The following CCDC148 variants were observed in gnomAD, a reference collection of about 807,000 sequenced individuals.
CCDC148 encodes the protein coiled-coil domain containing 148.
In CCDC148, 89 loss-of-function variants were observed where a neutral mutation model predicts 85.7. The ratio of observed to expected loss-of-function variants is 1.04; its 90% CI spans 0.87 to 1.24. The LOEUF (loss-of-function observed/expected upper bound fraction) is 1.24, where lower values mean the gene tolerates loss of function less well. Ranked by LOEUF, CCDC148 falls within the 50% of genes most tolerant of loss-of-function variation. The pLI, the probability that CCDC148 is intolerant of heterozygous loss-of-function variation, is 0.00. For synonymous variants in CCDC148, 230 were observed against 213.9 expected, an observed-to-expected ratio of 1.08 and a Z score of -0.66; for missense variants, 692 against 671.7, an observed-to-expected ratio of 1.03 and a Z score of -0.33.
chr2:158,217,697 C>T (rs957282702), intron 11 of CCDC148, among the ~76,000 whole-genome samples: 3 of 151,654 alleles, frequency 2.0e-5, no homozygotes, highest in African/African-American at 7.3e-5. Context: ...AGCCACCGCA[C>T]CCGGTCGAAT....
At chr2:158,312,811 G>T (rs989357320) in intron 8 of CCDC148, among the ~76,000 whole-genome samples, 6 of 152,110 alleles carry the variant, frequency 3.9e-5, no homozygotes, top group Non-Finnish European at 8.8e-5. Context: ...TAAAGGGGGA[G>T]AGGTGAAGAG....
intron 10 of CCDC148, among the ~76,000 whole-genome samples, chr2:158,231,104 A>G (rs1289997582): frequency 6.6e-6 from 1 of 152,098 alleles, no homozygotes; most frequent in Non-Finnish European, 1.5e-5. Context: ...TTAGGGGAGA[A>G]CTCAGTGCTG....
intron 9 of CCDC148, among the ~76,000 whole-genome samples, chr2:158,254,985 C>CAA (rs58809618): frequency 4.6e-5 from 6 of 131,128 alleles, no homozygotes; most frequent in African/African-American, 5.5e-5. Context: ...TTCTTTTCTC[C>CAA]AAAAAAAAAA....
rs775695541 is a variant in CCDC148, at chr2:158,179,284, G to C, written c.1371-288C>G. On this transcript the variant is annotated intron_variant, in intron 11 of 13. Transcript: ENST00000283233. Reference sequence around the variant, plus strand: ...AGCAATTCTCCTGTCTCAGCCTCCCGAGTAGCTGGGATTACAGGTACCCGC... The same window carrying C: ...AGCAATTCTCCTGTCTCAGCCTCCCCAGTAGCTGGGATTACAGGTACCCGC... 4.3e-5 allele frequency among the ~76,000 whole-genome samples: 6 copies of C among 141,104 alleles called. No individual in the cohort carries two copies. In the East Asian group the frequency reaches 1.1e-3, roughly 25 times the overall value. The allele number at this position is 141,104 out of a possible 152,430, so 92.6% of individuals were successfully genotyped here.
chr2:158,241,622 C>T lies in CCDC148; in HGVS notation c.1251+9150G>A, dbSNP rs968074557. On this transcript the variant is annotated intron_variant, in intron 10 of 13. Coordinates refer to ENST00000283233, the MANE Select transcript of CCDC148 (RefSeq NM_138803.4). ...GAATGAATGATCATTTTGTTTGGAC[C>T]CTTAATGCCCCCTTTGGAATTATAC... is the stretch of plus-strand genomic sequence containing the variant. 8.6e-5 allele frequency among the ~76,000 whole-genome samples: 13 copies of T among 151,952 alleles called. 2 individuals carry two copies. Among genetic ancestry groups the T allele is most frequent in the Admixed American group, 7.2e-4 (11 of 15,238 alleles).
chr2:158,255,027 A>T (rs932462088), intron 9 of CCDC148, among the ~76,000 whole-genome samples: 7 of 151,268 alleles, frequency 4.6e-5, no homozygotes, highest in African/African-American at 1.7e-4. Context: ...ATTTTTAAAC[A>T]GTGATGTACA....
rs182970697 is a variant in CCDC148 at position 158,308,398 on chromosome 2, T to C, written c.1110+1035A>G. 5.2e-5 allele frequency among the ~76,000 whole-genome samples: 8 copies of C among 152,386 alleles called. No individual in the cohort carries two copies. The South Asian group carries it at 1.0e-3, about 20-fold the overall frequency. ...CATGTATTAGCCCTGCAGCCCATGA[T>C]AGACCAGCTTGATGCAGCTTCTATT... On this transcript the variant is annotated intron_variant, in intron 9 of 13. Coordinates refer to ENST00000283233, the MANE Select transcript of CCDC148 (RefSeq NM_138803.4).
At chr2:158,354,390 G>C (rs1430590105) in intron 2 of CCDC148, among the ~76,000 whole-genome samples, 1 of 152,002 alleles carries the variant, frequency 6.6e-6, no homozygotes, top group African/African-American at 2.4e-5. Context: ...AAATGATAAA[G>C]GGGATCTCAC....
chr2:158,357,327 G>T (rs1683711351), intron 2 of CCDC148, among the ~76,000 whole-genome samples: 2 of 151,804 alleles, frequency 1.3e-5, no homozygotes, highest in African/African-American at 4.8e-5. Context: ...GCTGACTATT[G>T]TATCTTCAAG....
At chr2:158,356,576 A>G (rs1297380298) in intron 2 of CCDC148, among the ~76,000 whole-genome samples, 1 of 151,858 alleles carries the variant, frequency 6.6e-6, no homozygotes, top group Non-Finnish European at 1.5e-5. Context: ...AAAAGTCAGG[A>G]AACAACAGGT....
intron 10 of CCDC148, among the ~76,000 whole-genome samples, chr2:158,249,464 C>T (rs1688700966): frequency 6.6e-6 from 1 of 152,118 alleles, no homozygotes; most frequent in South Asian, 2.1e-4. Flanking sequence ...ATCATCAACT[C>T]TCTTGATAGG....
chr2:158,322,693 AG>A (rs1171860834), intron 7 of CCDC148, among the ~76,000 whole-genome samples: 3 of 152,094 alleles, frequency 2.0e-5, no homozygotes, highest in Non-Finnish European at 4.4e-5. Flanking sequence ...AGTAGAATAA[AG>A]CTACTAACAA....
intron 1 of CCDC148, chr2:158,419,938 A>C (rs1035376608): frequency 6.6e-5 from 10 of 152,154 alleles, no homozygotes; most frequent in African/African-American, 2.4e-4. Context: ...AACCATATTA[A>C]ATACAGAAAT....
At chr2:158,327,063 T>C (rs1355917539) in intron 7 of CCDC148, among the ~76,000 whole-genome samples, 4 of 152,148 alleles carry the variant, frequency 2.6e-5, no homozygotes, top group East Asian at 1.9e-4. Flanking sequence ...CTAGTTCCTA[T>C]TGATATTAAG....
In CCDC148 at chr2:158,351,586, G is replaced by A. The variant is rs576063027; in HGVS notation, c.148-6268C>T. On this transcript the variant is annotated intron_variant, in intron 2 of 13. Coordinates refer to ENST00000283233, the MANE Select transcript of CCDC148 (RefSeq NM_138803.4). Reference sequence around the variant, plus strand: ...GCTTGGAGGGTCCTATGCCCACGGAGTCTTGCTGATTGCTAGCACAGCAGT... The same window carrying A: ...GCTTGGAGGGTCCTATGCCCACGGAATCTTGCTGATTGCTAGCACAGCAGT... 9.0e-3 allele frequency among the ~76,000 whole-genome samples: 1,369 copies of A among 152,352 alleles called. 17 individuals are homozygous for A. Among genetic ancestry groups the A allele is most frequent in the African/African-American group, 0.031 (1,291 of 41,580 alleles).
At chr2:158,338,964 T>G in intron 6 of CCDC148, 26 bp downstream of exon 6, 5 of 1,602,832 alleles carry the variant, frequency 3.1e-6, no homozygotes, top group Non-Finnish European at 4.3e-6. Flanking sequence ...GATAAACACA[T>G]AAATTATTAG....
At chr2:158,201,012 ATTAGCCCTG>A (rs1041773829) in intron 11 of CCDC148, among the ~76,000 whole-genome samples, 1 of 152,174 alleles carries the variant, frequency 6.6e-6, no homozygotes, top group Admixed American at 6.6e-5. Flanking sequence ...TTGTTTCCCA[ATTAGCCCTG>A]TTCCTTCAGG....
At chr2:158,429,054 C>T (rs1303191900) in intron 1 of CCDC148, among the ~76,000 whole-genome samples, 1 of 150,562 alleles carries the variant, frequency 6.6e-6, no homozygotes, top group Non-Finnish European at 1.5e-5. Context: ...CCAAACACAG[C>T]ATGTTCTCAC....
intron 10 of CCDC148, among the ~76,000 whole-genome samples, chr2:158,239,490 C>T (rs1190871204): frequency 6.6e-6 from 1 of 152,086 alleles, no homozygotes; most frequent in Non-Finnish European, 1.5e-5. Flanking sequence ...GTTACCACCA[C>T]AACTTTTCTG....
Sources: gnomAD v4.1 joint callset for allele counts (sites outside exome capture counted in the v4.1 genomes callset) on GRCh38, gnomAD v4.1.1 for gene constraint, MANE v1.5 for transcripts, NCBI Gene and HGNC (gene_info 2026-07-23, HGNC 2026-07-21) for gene names.